KCNQ3: variants seen among roughly 807,000 people sequenced by gnomAD.
The protein encoded by KCNQ3 is potassium voltage-gated channel subfamily Q member 3.
In KCNQ3, 30 loss-of-function variants were observed where a neutral mutation model predicts 92.5. The ratio of observed to expected loss-of-function variants is 0.32; its 90% CI spans 0.24 to 0.44. The LOEUF is 0.44. KCNQ3 is among the 20% of genes least tolerant of loss of function. KCNQ3 has a pLI of 1.00. For synonymous variants in KCNQ3, 450 were observed against 468.8 expected (o/e 0.96, Z 0.52); for missense variants, 913 against 1,140.3 (o/e 0.80, Z 2.87).
intron 1 of KCNQ3, among the ~76,000 whole-genome samples, chr8:132,429,741 A>T (rs546291404): frequency 6.6e-6 from 1 of 152,004 alleles, no homozygotes; most frequent in South Asian, 2.1e-4. Context: ...AGATGCTGTA[A>T]TCCCAGCTAT....
Position 132,443,861 on chromosome 8 carries a change from C to T in KCNQ3, c.386+36286G>A, listed in dbSNP as rs79316054. Among the ~76,000 whole-genome samples, 106 of 152,244 alleles carry T rather than the reference C, an allele frequency of 7.0e-4. 1 individual carries two copies. Among genetic ancestry groups the T allele is most frequent in the African/African-American group, 2.3e-3 (97 of 41,552 alleles). On this transcript the variant is annotated intron_variant, in intron 1 of 14. Coordinates refer to ENST00000388996, the MANE Select transcript of KCNQ3 (RefSeq NM_004519.4). ...CAGCCCTCTGACACTCTTTACCCCC[C>T]CATTTGTCTTATTTACTCAACAACT... is the stretch of plus-strand genomic sequence containing the variant.
chr8:132,458,259 C>T (rs1821987883), intron 1 of KCNQ3, among the ~76,000 whole-genome samples: 1 of 152,214 alleles, frequency 6.6e-6, no homozygotes, highest in South Asian at 2.1e-4. Context: ...CAGTTCACTA[C>T]AGTAGCTTCA....
At position 132,273,970 on chromosome 8, in the gene KCNQ3, CAGTTCCAA is replaced by C. The variant is rs761047527; in HGVS notation, c.387-87797_387-87790del. 5.7e-4 allele frequency among the ~76,000 whole-genome samples: 87 copies of C among 152,174 alleles called. 1 individual carries two copies. The highest frequency in any genetic ancestry group is 3.9e-4 in the Admixed American group (6 of 15,274). ...CAAAGCCATTCAACAAGTCTCTAGG[CAGTTCCAA>C]ACTTTCCCACATTTTCCTGTCTTCT... On this transcript the variant is annotated intron_variant, in intron 1 of 14. Coordinates refer to ENST00000388996, the MANE Select transcript of KCNQ3 (RefSeq NM_004519.4).
chr8:132,173,313 T>G (rs1399489163), intron 6 of KCNQ3, among the ~76,000 whole-genome samples: 1 of 152,146 alleles, frequency 6.6e-6, no homozygotes, highest in African/African-American at 2.4e-5. Flanking sequence ...AAACTGAGAT[T>G]TAAGAAGGTC....
intron 1 of KCNQ3, among the ~76,000 whole-genome samples, chr8:132,358,842 A>G (rs987190946): frequency 6.6e-6 from 1 of 152,158 alleles, no homozygotes; most frequent in African/African-American, 2.4e-5. Context: ...CTCAAAAGGG[A>G]CTGTGAGTAC....
chr8:132,459,998 CA>C (rs990681762), intron 1 of KCNQ3, among the ~76,000 whole-genome samples: 2 of 151,990 alleles, frequency 1.3e-5, no homozygotes, highest in Non-Finnish European at 2.9e-5. Flanking sequence ...CCACATTGGC[CA>C]GGGGGTGCTC....
Position 132,170,358 on chromosome 8 carries a change from G to A in KCNQ3, c.1211C>T (p.Ser404Leu). The change falls in exon 8 of 15, where the codon TCA (serine) becomes TTA (leucine). Residue 404 changes from serine (S) to leucine (L), a missense_variant. Ser to Leu is a moderately radical substitution (Grantham distance 145). Coordinates refer to ENST00000388996, the MANE Select transcript of KCNQ3 (RefSeq NM_004519.4). ...DLVATWRFYE[S>L]VVSFPFFRKE... The stretch of plus-strand genomic sequence containing the variant: ...CCTGAAGAAAGGAAAAGAGACGACT[G>A]ATTCATAAAATCTCCATGTCGCCAC... 1 of 1,613,782 alleles carries A rather than the reference G, an allele frequency of 6.2e-7. No homozygotes were observed. The highest frequency in any genetic ancestry group is 8.5e-7 in the Non-Finnish European group (1 of 1,179,816).
intron 1 of KCNQ3, among the ~76,000 whole-genome samples, chr8:132,477,494 G>A (rs1204988821): frequency 6.6e-6 from 1 of 152,178 alleles, no homozygotes; most frequent in Non-Finnish European, 1.5e-5. Flanking sequence ...GAATCATCAA[G>A]GAAAGGTTCA....
chr8:132,307,592 C>T (rs564374996), intron 1 of KCNQ3, among the ~76,000 whole-genome samples: 2 of 152,292 alleles, frequency 1.3e-5, no homozygotes, highest in African/African-American at 2.4e-5. Flanking sequence ...AGATCCATAA[C>T]AATAGAGACA....
chr8:132,170,271 G>T, intron 8 of KCNQ3, 63 bp downstream of exon 8: 1 of 1,214,490 alleles, frequency 8.2e-7, no homozygotes, highest in Non-Finnish European at 1.2e-6. Context: ...CCACAGACAC[G>T]AATACAGACC....
chr8:132,438,905 G>A (rs1821460829), intron 1 of KCNQ3, among the ~76,000 whole-genome samples: 1 of 150,466 alleles, frequency 6.6e-6, no homozygotes, highest in Non-Finnish European at 1.5e-5. Flanking sequence ...ATTCCAGCCA[G>A]ATGTAACATT....
Position 132,129,153 on chromosome 8 carries a change from G to T in KCNQ3, c.*109C>A. The stretch of plus-strand genomic sequence containing the variant: ...GGGTGGGGCCACCACGCACACGCAT[G>T]CATTTGATGCAGCCATTGGTGTCCC... On this transcript the variant is annotated 3_prime_UTR_variant, in exon 15 of 15. Transcript: ENST00000388996. The surrounding 1 kb of genome is among the most constrained non-coding windows in gnomAD (Gnocchi z 5.9). 7.5e-7 allele frequency: 1 copy of T among 1,341,608 alleles called. No homozygotes were observed. The highest frequency in any genetic ancestry group is 1.0e-6 in the Non-Finnish European group (1 of 963,624). 83.1% of individuals were successfully genotyped at this position (1,341,608 alleles called of 1,614,324 possible). A position where few individuals can be genotyped will look rare whatever the true frequency, so the allele number is the denominator to read the frequency against.
Position 132,278,104 on chromosome 8 carries a change from C to T in KCNQ3, c.387-91923G>A, listed in dbSNP as rs1469258253. On this transcript the variant is annotated intron_variant, in intron 1 of 14. Transcript: ENST00000388996. Reference sequence around the variant, plus strand: ...CCATCCTCAAAGACCATGAGATTTCCACAGTACCACATTGCCTCTAACTAA... The same window carrying T: ...CCATCCTCAAAGACCATGAGATTTCTACAGTACCACATTGCCTCTAACTAA... 3 of 985,236 alleles carry T rather than the reference C, an allele frequency of 3.0e-6. No homozygotes were observed. In the East Asian group the frequency reaches 3.4e-4, roughly 112 times the overall value. 61.0% of individuals were successfully genotyped at this position (985,236 alleles called of 1,614,324 possible).
At chr8:132,245,873 C>T (rs947124721) in intron 1 of KCNQ3, among the ~76,000 whole-genome samples, 3 of 152,106 alleles carry the variant, frequency 2.0e-5, no homozygotes, top group African/African-American at 7.2e-5. Context: ...GTGAGTCCTT[C>T]GGGGATAGGA....
chr8:132,217,433 G>T (rs554421619), intron 1 of KCNQ3, among the ~76,000 whole-genome samples: 2 of 152,090 alleles, frequency 1.3e-5, no homozygotes, highest in Non-Finnish European at 2.9e-5. Flanking sequence ...AGAGTCGGCC[G>T]GACACGGTGG....
intron 1 of KCNQ3, among the ~76,000 whole-genome samples, chr8:132,343,055 C>T (rs908472878): frequency 6.6e-6 from 1 of 152,196 alleles, no homozygotes; most frequent in Non-Finnish European, 1.5e-5. Flanking sequence ...TACACTGAAT[C>T]CACAGCACAC....
intron 1 of KCNQ3, among the ~76,000 whole-genome samples, chr8:132,306,480 AC>A (rs1227184903): frequency 6.6e-6 from 1 of 152,206 alleles, no homozygotes; most frequent in Non-Finnish European, 1.5e-5. Context: ...CCAGATGATG[AC>A]TTTTAAGGAG....
At chr8:132,154,209 T>TTTTTTTTTTTTTTTTC (rs1825734655) in intron 9 of KCNQ3, among the ~76,000 whole-genome samples, 1 of 137,558 alleles carries the variant, frequency 7.3e-6, no homozygotes, top group African/African-American at 3.0e-5. Flanking sequence ...TTTTTTTTTT[T>TTTTTTTTTTTTTTTTC]TTTTTTTTTT....
chr8:132,345,987 A>G (rs1470089766), intron 1 of KCNQ3, among the ~76,000 whole-genome samples: 1 of 151,802 alleles, frequency 6.6e-6, no homozygotes. Flanking sequence ...GAGTATTATG[A>G]TGGGATGGTG....
Sources: gnomAD v4.1 joint callset for allele counts (sites outside exome capture counted in the v4.1 genomes callset) on GRCh38, gnomAD v4.1.1 for gene constraint, Gnocchi (gnomAD v3.1) non-coding constraint, MANE v1.5 for transcripts, NCBI Gene and HGNC (gene_info 2026-07-23, HGNC 2026-07-21) for gene names.